Variants in CSMD1 observed in about 807,000 individuals in gnomAD.
The protein encoded by CSMD1 is CUB and Sushi multiple domains 1.
In CSMD1, 213 loss-of-function variants were observed where a neutral mutation model predicts 417.5. The observed-to-expected ratio is 0.51, with a 90% CI of 0.46 to 0.57. The LOEUF (loss-of-function observed/expected upper bound fraction) is 0.57, where lower values mean the gene tolerates loss of function less well. Among genes scored for constraint, CSMD1 ranks in the 20% least tolerant of loss-of-function variants. CSMD1 has a pLI of 0.00. For missense variants in CSMD1, 6,923 were observed against 4,529.7 expected (o/e 1.53, Z -15.17); for synonymous variants, 2,862 against 1,736.8 (o/e 1.65, Z -16.11).
intron 6 of CSMD1, among the ~76,000 whole-genome samples, chr8:3,727,755 G>C (rs1270810538): frequency 6.6e-6 from 1 of 152,162 alleles, no homozygotes; most frequent in Non-Finnish European, 1.5e-5. Flanking sequence ...AATGTGATCT[G>C]ACCATATAAT....
At chr8:3,178,319 T>C (rs1256497802) in intron 37 of CSMD1, among the ~76,000 whole-genome samples, 6 of 151,964 alleles carry the variant, frequency 3.9e-5, no homozygotes, top group African/African-American at 1.5e-4. Flanking sequence ...GAGATAGAAG[T>C]AGATGTAGAT....
intron 2 of CSMD1, among the ~76,000 whole-genome samples, chr8:4,613,760 TTCTC>T (rs1801316623): frequency 6.6e-6 from 1 of 151,960 alleles, no homozygotes; most frequent in African/African-American, 2.4e-5. Context: ...AACAAACTCT[TTCTC>T]TCACTGCTAA....
chr8:4,212,234 G>C (rs984400041), intron 3 of CSMD1, among the ~76,000 whole-genome samples: 4 of 148,938 alleles, frequency 2.7e-5, no homozygotes, highest in African/African-American at 2.5e-5. Context: ...TTATACCTTA[G>C]CTAATTTTGC....
rs187697040 is a variant in CSMD1 at position 3,872,542 on chromosome 8, T to C, written c.819-118500A>G. Among the ~76,000 whole-genome samples, 61 of 152,346 alleles carry C rather than the reference T, an allele frequency of 4.0e-4. No individual in the cohort carries two copies. In the East Asian group the frequency reaches 0.01, roughly 25 times the overall value. On this transcript the variant is annotated intron_variant, in intron 5 of 69. Transcript: ENST00000635120. ...TTCTGCCAGGTCACTGAAAGGCTGA[T>C]CTCAAGAACTGAGGTTGTCTGTTTC... is the stretch of plus-strand genomic sequence containing the variant.
intron 8 of CSMD1, among the ~76,000 whole-genome samples, chr8:3,594,534 T>C (rs17066501): frequency 6.6e-6 from 1 of 152,046 alleles, no homozygotes; most frequent in Non-Finnish European, 1.5e-5. Context: ...TCCAGGAATG[T>C]TTTTCAAAGG....
intron 41 of CSMD1, among the ~76,000 whole-genome samples, chr8:3,133,406 T>A (rs1817901517): frequency 6.6e-6 from 1 of 152,192 alleles, no homozygotes; most frequent in Non-Finnish European, 1.5e-5. Context: ...TGAAAGAGCT[T>A]GGGTCTGTCT....
intron 1 of CSMD1, among the ~76,000 whole-genome samples, chr8:4,656,493 T>C (rs912603085): frequency 1.3e-5 from 2 of 151,936 alleles, no homozygotes; most frequent in Admixed American, 6.5e-5. Flanking sequence ...GACCATTTCA[T>C]AAAAAAATCC....
At chr8:4,067,502 A>T (rs7000108) in intron 3 of CSMD1, among the ~76,000 whole-genome samples, 32 of 152,084 alleles carry the variant, frequency 2.1e-4, no homozygotes, top group African/African-American at 7.7e-4. Flanking sequence ...TTAATTTCAA[A>T]ATTTTTAAAT....
At chr8:4,046,135 A>G in intron 3 of CSMD1, among the ~76,000 whole-genome samples, 1 of 152,248 alleles carries the variant, frequency 6.6e-6, no homozygotes. Context: ...TCTGATATAT[A>G]TGTATTATGT....
intron 65 of CSMD1, among the ~76,000 whole-genome samples, chr8:2,952,282 C>T (rs143095946): frequency 0.015 from 2,314 of 152,238 alleles, 26 homozygotes; most frequent in Non-Finnish European, 0.025. Flanking sequence ...TCTCCCTAAC[C>T]CATTTTTTAA....
intron 1 of CSMD1, among the ~76,000 whole-genome samples, chr8:4,844,150 C>G (rs573202692): frequency 2.0e-5 from 3 of 152,070 alleles, no homozygotes; most frequent in African/African-American, 7.2e-5. Flanking sequence ...ATTTTTTCAA[C>G]CAAATATGAG....
At chr8:3,476,502 A>G (rs1817432686) in intron 11 of CSMD1, among the ~76,000 whole-genome samples, 1 of 152,286 alleles carries the variant, frequency 6.6e-6, no homozygotes, top group East Asian at 1.9e-4. Flanking sequence ...CTATCATATG[A>G]AACTACCAAC....
chr8:3,842,201 A>G (rs1227028644), intron 5 of CSMD1, among the ~76,000 whole-genome samples: 2 of 151,906 alleles, frequency 1.3e-5, no homozygotes, highest in East Asian at 3.9e-4. Flanking sequence ...TAATATTCCC[A>G]TTTTCCAAGC....
chr8:4,226,139 A>C (rs1369317102), intron 3 of CSMD1, among the ~76,000 whole-genome samples: 1 of 151,720 alleles, frequency 6.6e-6, no homozygotes, highest in Admixed American at 6.6e-5. Flanking sequence ...CTAGCATGAG[A>C]GTTTCATTTT....
At chr8:2,995,285 C>G (rs79162125) in intron 54 of CSMD1, among the ~76,000 whole-genome samples, 2,674 of 152,234 alleles carry the variant, frequency 0.018, 78 homozygotes, top group African/African-American at 0.062. Context: ...GGAATAATCA[C>G]CAGATAAGGT....
chr8:4,471,319 G>C (rs182495681), intron 2 of CSMD1, among the ~76,000 whole-genome samples: 5 of 152,090 alleles, frequency 3.3e-5, no homozygotes, highest in East Asian at 1.9e-4. Context: ...AGCTGGAAAA[G>C]GCAATAGTGA....
At chr8:3,468,558 G>C (rs1303289188) in intron 12 of CSMD1, among the ~76,000 whole-genome samples, 154 bp downstream of exon 12, 1 of 152,172 alleles carries the variant, frequency 6.6e-6, no homozygotes, top group Non-Finnish European at 1.5e-5. Flanking sequence ...ACGAAAGCGA[G>C]TGTTAGTAGA....
At chr8:2,951,414 G>A in intron 65 of CSMD1, 139 bp from the exon 66 acceptor site, 1 of 849,248 alleles carries the variant, frequency 1.2e-6, no homozygotes, top group East Asian at 2.7e-5. Context: ...GGAGCCTAGT[G>A]CATCGCTGTT....
At chr8:4,105,228 C>G (rs1801507652) in intron 3 of CSMD1, among the ~76,000 whole-genome samples, 1 of 152,074 alleles carries the variant, frequency 6.6e-6, no homozygotes, top group East Asian at 1.9e-4. Flanking sequence ...CACATAACGT[C>G]AAAGGAAACC....
Sources: allele counts gnomAD v4.1 joint callset (sites outside exome capture counted in the v4.1 genomes callset), GRCh38; gene constraint gnomAD v4.1.1; transcripts MANE v1.5; gene names NCBI Gene and HGNC (gene_info 2026-07-23, HGNC 2026-07-21).